SNX29: variants seen among roughly 807,000 people sequenced by gnomAD.
The protein encoded by SNX29 is sorting nexin-29.
Under a neutral mutation model 102.1 loss-of-function variants are expected in SNX29, and 78 were observed. The ratio of observed to expected loss-of-function variants is 0.76; its 90% CI spans 0.64 to 0.92. The LOEUF (loss-of-function observed/expected upper bound fraction) is 0.92, where lower values mean the gene tolerates loss of function less well. Ranked by LOEUF, SNX29 falls within the 40% of genes least tolerant of loss-of-function variation. The probability of loss-of-function intolerance (pLI) is 0.00; values close to 1 mark genes in which losing one functional copy is unlikely to be tolerated. For missense variants in SNX29, 1,280 were observed against 1,061.7 expected (o/e 1.21, Z -2.86); for synonymous variants, 580 against 414.5 (o/e 1.40, Z -4.85).
chr16:12,389,150 G>T (rs1328275194), intron 16 of SNX29, among the ~76,000 whole-genome samples: 2 of 152,206 alleles, frequency 1.3e-5, no homozygotes, highest in African/African-American at 4.8e-5. Context: ...AGCCAGTTCA[G>T]ATTCTCGGTT....
chr16:12,388,605 A>T (rs983722404), intron 16 of SNX29, among the ~76,000 whole-genome samples: 14 of 152,088 alleles, frequency 9.2e-5, no homozygotes, highest in Non-Finnish European at 2.1e-4. Context: ...TCTCACTGTT[A>T]CTCCACTTTG....
chr16:12,033,526 TG>T (rs1482981604), intron 4 of SNX29, among the ~76,000 whole-genome samples: 1 of 152,204 alleles, frequency 6.6e-6, no homozygotes, highest in African/African-American at 2.4e-5. Flanking sequence ...GCTCCCTACA[TG>T]GTTCACCTGG....
intron 18 of SNX29, among the ~76,000 whole-genome samples, chr16:12,416,075 G>C (rs899547313): frequency 7.2e-5 from 11 of 152,120 alleles, no homozygotes; most frequent in Admixed American, 7.2e-4. Flanking sequence ...TTGTCCTCTG[G>C]TTTGAAAAAG....
intron 13 of SNX29, among the ~76,000 whole-genome samples, chr16:12,134,806 T>A (rs2054599647): frequency 6.6e-6 from 1 of 152,202 alleles, no homozygotes; most frequent in Admixed American, 6.5e-5. Context: ...AGATACTACT[T>A]GTATTAATGT....
intron 14 of SNX29, among the ~76,000 whole-genome samples, chr16:12,263,724 T>C (rs570795878): frequency 2.6e-5 from 4 of 152,328 alleles, no homozygotes; most frequent in African/African-American, 9.6e-5. Flanking sequence ...ATGGCATCCC[T>C]AGTGAGAGTG....
At chr16:12,191,486 C>T (rs947949558) in intron 13 of SNX29, among the ~76,000 whole-genome samples, 7 of 152,170 alleles carry the variant, frequency 4.6e-5, no homozygotes, top group Non-Finnish European at 8.8e-5. Flanking sequence ...CCCCTTCTCT[C>T]CTCCCCCACT....
intron 15 of SNX29, among the ~76,000 whole-genome samples, chr16:12,280,969 A>G (rs2079411830): frequency 1.3e-5 from 2 of 152,210 alleles, no homozygotes; most frequent in South Asian, 4.1e-4. Flanking sequence ...GTGCAGTGGT[A>G]CAGCCTTGGC....
chr16:12,349,185 C>T (rs999876676), intron 15 of SNX29, among the ~76,000 whole-genome samples: 5 of 152,236 alleles, frequency 3.3e-5, no homozygotes, highest in Non-Finnish European at 5.9e-5. Context: ...CAGTGTTTCT[C>T]TTCCTGGGTT....
intron 4 of SNX29, among the ~76,000 whole-genome samples, chr16:12,031,153 G>T (rs2057330962): frequency 6.6e-6 from 1 of 151,878 alleles, no homozygotes; most frequent in Non-Finnish European, 1.5e-5. Context: ...GCTCACTGCA[G>T]CCTCTGCCTT....
intron 14 of SNX29, among the ~76,000 whole-genome samples, chr16:12,210,859 T>C (rs999516767): frequency 6.6e-6 from 1 of 152,152 alleles, no homozygotes; most frequent in Non-Finnish European, 1.5e-5. Context: ...AAGTGGCCTT[T>C]ACCTTTTCAG....
At chr16:12,076,544 C>T (rs369575694) in intron 10 of SNX29, among the ~76,000 whole-genome samples, 18 of 152,278 alleles carry the variant, frequency 1.2e-4, no homozygotes, top group African/African-American at 3.6e-4. Flanking sequence ...TCATGTGATC[C>T]GCCTGCCTTG....
chr16:11,990,127 G>C (rs2055791632), intron 1 of SNX29, among the ~76,000 whole-genome samples: 1 of 152,236 alleles, frequency 6.6e-6, no homozygotes, highest in African/African-American at 2.4e-5. Flanking sequence ...AGATGTGAGG[G>C]TTAAACGTAT....
At chr16:12,224,665 A>G (rs954764950) in intron 14 of SNX29, among the ~76,000 whole-genome samples, 7 of 152,222 alleles carry the variant, frequency 4.6e-5, no homozygotes, top group African/African-American at 1.7e-4. Context: ...ACATGTGCAA[A>G]AGCAGGGAGT....
At chr16:12,436,178 T>C (rs2085529986) in intron 18 of SNX29, among the ~76,000 whole-genome samples, 1 of 152,140 alleles carries the variant, frequency 6.6e-6, no homozygotes, top group African/African-American at 2.4e-5. Flanking sequence ...CCGAGACCCC[T>C]GCTATGCTCT....
chr16:12,543,582 G>A (rs1166577812), intron 20 of SNX29, among the ~76,000 whole-genome samples: 1 of 152,210 alleles, frequency 6.6e-6, no homozygotes, highest in African/African-American at 2.4e-5. Context: ...CTTCCGTGGT[G>A]CGTCCCAGTT....
chr16:12,349,663 T>A (rs2081939390), intron 15 of SNX29, among the ~76,000 whole-genome samples: 1 of 152,224 alleles, frequency 6.6e-6, no homozygotes, highest in Non-Finnish European at 1.5e-5. Context: ...GCATTTTGGA[T>A]AAGGGATACT....
chr16:12,546,733 A>C (rs1203432896), intron 20 of SNX29: 1 of 151,982 alleles, frequency 6.6e-6, no homozygotes, highest in African/African-American at 2.4e-5. Flanking sequence ...AAAACTAAGA[A>C]GATAGGAGAA....
chr16:12,287,054 A>G (rs1377481094), intron 15 of SNX29, among the ~76,000 whole-genome samples: 2 of 152,152 alleles, frequency 1.3e-5, no homozygotes, highest in Non-Finnish European at 2.9e-5. Context: ...TCTCCTTCCC[A>G]GCTTCCCGAA....
intron 14 of SNX29, among the ~76,000 whole-genome samples, chr16:12,210,792 C>G (rs972462492): frequency 2.0e-5 from 3 of 152,040 alleles, no homozygotes; most frequent in Non-Finnish European, 4.4e-5. Context: ...TCTCTCCCTT[C>G]TCTCTTGTTT....
Sources: gnomAD v4.1 joint callset for allele counts (sites outside exome capture counted in the v4.1 genomes callset) on GRCh38, gnomAD v4.1.1 for gene constraint, MANE v1.5 for transcripts, NCBI Gene and HGNC (gene_info 2026-07-23, HGNC 2026-07-21) for gene names.